RNF121: variants seen among roughly 807,000 people sequenced by gnomAD.
RNF121 encodes the protein E3 ubiquitin ligase RNF121.
A neutral mutation model predicts 46.5 loss-of-function variants in RNF121; 21 were observed. The observed-to-expected ratio is 0.45, with a 90% CI of 0.32 to 0.65. The LOEUF is 0.65. Among genes scored for constraint, RNF121 ranks in the 30% least tolerant of loss-of-function variants. The pLI is 0.04. For missense variants in RNF121, 346 were observed against 416.0 expected (o/e 0.83, Z 1.46); for synonymous variants, 139 against 144.7 (o/e 0.96, Z 0.28).
chr11:71,995,142 A>T, intron 7 of RNF121: 1 of 561,150 alleles, frequency 1.8e-6, no homozygotes. Context: ...CTCTAATGGG[A>T]TCCCTCAGTT....
At chr11:71,978,077 T>G (rs1393972785) in intron 3 of RNF121, 1 of 305,452 alleles carries the variant, frequency 3.3e-6, no homozygotes, top group South Asian at 2.3e-5. Flanking sequence ...TGTATTTTTT[T>G]TTTTTAAGAG....
At chr11:71,951,734 A>G (rs748236753) in intron 1 of RNF121, among the ~76,000 whole-genome samples, 1 of 152,168 alleles carries the variant, frequency 6.6e-6, no homozygotes, top group Admixed American at 6.5e-5. Context: ...AAAGAAGTCC[A>G]ACGTCATTTA....
At chr11:71,984,285 CT>C (rs780274121) in intron 4 of RNF121, among the ~76,000 whole-genome samples, 1 of 151,496 alleles carries the variant, frequency 6.6e-6, no homozygotes, top group Non-Finnish European at 1.5e-5. Context: ...TAACTACTAG[CT>C]TTTTTTTTGA....
At chr11:71,979,285 C>G (rs1213590152) in intron 3 of RNF121, among the ~76,000 whole-genome samples, 1 of 152,138 alleles carries the variant, frequency 6.6e-6, no homozygotes, top group African/African-American at 2.4e-5. Context: ...CTTAGGGTGA[C>G]CTATTGAGTT....
At chr11:71,959,120 G>A (rs1954065207) in intron 2 of RNF121, among the ~76,000 whole-genome samples, 1 of 152,146 alleles carries the variant, frequency 6.6e-6, no homozygotes, top group Admixed American at 6.5e-5. Context: ...GGCCATATAG[G>A]TGGGTCTGAA....
intron 1 of RNF121, among the ~76,000 whole-genome samples, chr11:71,933,649 C>T (rs1372257730): frequency 6.6e-6 from 1 of 152,136 alleles, no homozygotes; most frequent in Admixed American, 6.5e-5. Flanking sequence ...CTTCATGTTC[C>T]CTCAGCCCGC....
chr11:71,962,290 G>A (rs1211451287), intron 3 of RNF121: 9 of 984,972 alleles, frequency 9.1e-6, no homozygotes, highest in Non-Finnish European at 1.1e-5. Context: ...TCTGAAGAAA[G>A]TGAGTATGCA....
intron 2 of RNF121, among the ~76,000 whole-genome samples, chr11:71,960,148 A>C (rs1045195075): frequency 6.6e-6 from 1 of 152,190 alleles, no homozygotes; most frequent in Non-Finnish European, 1.5e-5. Context: ...GAGGCTGTTT[A>C]CCTGTGGATA....
chr11:71,994,646 T>A, intron 6 of RNF121, 73 bp from the exon 7 acceptor site: 1 of 1,587,814 alleles, frequency 6.3e-7, no homozygotes, highest in South Asian at 1.1e-5. Flanking sequence ...AGGCCTGAGG[T>A]CTCTGTGGAG....
chr11:71,993,837 T>G (rs1338465099), intron 6 of RNF121, among the ~76,000 whole-genome samples: 1 of 151,352 alleles, frequency 6.6e-6, no homozygotes, highest in Non-Finnish European at 1.5e-5. Flanking sequence ...CTTTGACACT[T>G]CCTCTTTTTT....
Position 71,982,813 on chromosome 11 carries a change from T to G in RNF121, c.296T>G (p.Leu99Arg). Residue 99 changes from leucine to arginine, a missense_variant, in exon 4 of 9, where the codon CTG becomes CGG. Coordinates refer to ENST00000361756, the MANE Select transcript of RNF121 (RefSeq NM_018320.5). ...WVVPLYFTVK[L>R]HWWRFLVIWI... ...GTTCCCCTCTATTTCACAGTGAAGC[T>G]GCACTGGTGGAGGTTCCTAGTGATC... The G allele has an allele frequency of 6.2e-7, 1 of 1,613,794 alleles. No homozygotes were observed. The highest frequency in any genetic ancestry group is 8.5e-7 in the Non-Finnish European group (1 of 1,179,868).
Position 71,962,365 on chromosome 11 carries a change from A to G in RNF121, c.243+1474A>G, listed in dbSNP as rs1156573878. The G allele has an allele frequency of 1.2e-5, 10 of 852,012 alleles. No homozygotes were observed. The East Asian group carries it at 1.2e-3, about 104-fold the overall frequency. The allele number at this position is 852,012 out of a possible 1,614,324, so 52.8% of individuals were successfully genotyped here. A position where few individuals can be genotyped will look rare whatever the true frequency, so the allele number is the denominator to read the frequency against. The stretch of plus-strand genomic sequence containing the variant: ...TAAGTGTGGAATCCTTTCTTTAAAC[A>G]TTATCTTAAGGAAAAACTCAATCTG... On this transcript the variant is annotated intron_variant, in intron 3 of 8. Coordinates refer to ENST00000361756, the MANE Select transcript of RNF121 (RefSeq NM_018320.5).
intron 6 of RNF121, among the ~76,000 whole-genome samples, chr11:71,993,841 C>CTTT (rs531353613): frequency 1.5e-5 from 2 of 136,102 alleles, no homozygotes; most frequent in African/African-American, 2.7e-5. Flanking sequence ...GACACTTCCT[C>CTTT]TTTTTTTTTT....
Position 71,994,823 on chromosome 11 carries a change from G to A in RNF121, c.732G>A (p.Glu244=), listed in dbSNP as rs777483783. The change falls in exon 7 of 9, where the codon GAG becomes GAA. Residue 244 remains glutamate, a synonymous_variant. Transcript: ENST00000361756. ...ACGTCAGTGAAGAGGGGATCATTGA[G>A]AACACGTATAGGCTGTCCTGCAATC... ...FVDVSEEGII[E]NTYRLSCNHV... The A allele has an allele frequency of 6.2e-7, 1 of 1,614,186 alleles. No individual in the cohort carries two copies. The highest frequency in any genetic ancestry group is 8.5e-7 in the Non-Finnish European group (1 of 1,180,036).
chr11:71,934,711 G>A (rs1281427391), intron 1 of RNF121, among the ~76,000 whole-genome samples: 3 of 152,100 alleles, frequency 2.0e-5, no homozygotes, highest in African/African-American at 7.2e-5. Context: ...ATGAGTGGTG[G>A]CAAGTGTAGT....
At position 71,970,950 on chromosome 11, in the gene RNF121, C is replaced by G. The variant is rs1162857370; in HGVS notation, c.243+10059C>G. Among the ~76,000 whole-genome samples, 17 of 152,056 alleles carry G rather than the reference C, an allele frequency of 1.1e-4. 1 individual carries two copies. On this transcript the variant is annotated intron_variant, in intron 3 of 8. Coordinates refer to ENST00000361756, the MANE Select transcript of RNF121 (RefSeq NM_018320.5). ...AACCACCAATCAATAAGAAGGTATT[C>G]ATTGTTAAGTAGATTAGTTGAGAAA...
chr11:71,995,262 A>G (rs1359061834), intron 7 of RNF121, 188 bp from the exon 8 acceptor site: 8 of 609,308 alleles, frequency 1.3e-5, no homozygotes, highest in African/African-American at 7.4e-5. Context: ...ATTTTGCCCC[A>G]TAACAGTCTT....
chr11:71,946,867 CTTTTT>C (rs34778760), intron 1 of RNF121, among the ~76,000 whole-genome samples: 1 of 98,406 alleles, frequency 1.0e-5, no homozygotes, highest in Non-Finnish European at 1.8e-5. Flanking sequence ...TGCTCTGGCT[CTTTTT>C]TTTTTTTTTT....
At chr11:71,963,999 C>A (rs1456232383) in intron 3 of RNF121, among the ~76,000 whole-genome samples, 3 of 152,162 alleles carry the variant, frequency 2.0e-5, no homozygotes, top group African/African-American at 7.2e-5. Context: ...ATTCTGAGTC[C>A]TTTGCAATTC....
Sources: gnomAD v4.1 joint callset for allele counts (sites outside exome capture counted in the v4.1 genomes callset) on GRCh38, gnomAD v4.1.1 for gene constraint, MANE v1.5 for transcripts, NCBI Gene and HGNC (gene_info 2026-07-23, HGNC 2026-07-21) for gene names.